SSU72: variants seen among roughly 807,000 people sequenced by gnomAD.
SSU72 encodes the protein RNA polymerase II subunit A C-terminal domain phosphatase SSU72.
Under a neutral mutation model 22.7 loss-of-function variants are expected in SSU72, and 12 were observed. The ratio of observed to expected loss-of-function variants is 0.53; its 90% CI spans 0.34 to 0.86. The LOEUF (loss-of-function observed/expected upper bound fraction) is 0.86. Ranked by LOEUF, SSU72 falls within the 40% of genes least tolerant of loss-of-function variation. The pLI, the probability that SSU72 is intolerant of heterozygous loss-of-function variation, is 0.02. For synonymous variants in SSU72, 116 were observed against 98.3 expected, an observed-to-expected ratio of 1.18 and a Z score of -1.06; for missense variants, 151 against 249.8, an observed-to-expected ratio of 0.60 and a Z score of 2.67.
At chr1:1,545,233 C>T (rs1313764866) in intron 2 of SSU72, 12 of 533,256 alleles carry the variant, frequency 2.3e-5, no homozygotes, top group Non-Finnish European at 3.7e-5. Flanking sequence ...CGCTGTCCCC[C>T]AACTCGGCAA....
At position 1,574,816 on chromosome 1, in the gene SSU72, G is replaced by T. The variant is rs528218908; in HGVS notation, c.-259C>A. The T allele has an allele frequency of 4.4e-6, 1 of 227,112 alleles. No individual in the cohort carries two copies. Among genetic ancestry groups the T allele is most frequent in the East Asian group, 1.7e-4 (1 of 5,800 alleles). The allele number at this position is 227,112 out of a possible 1,614,324, so 14.1% of individuals were successfully genotyped here. A position where few individuals can be genotyped will look rare whatever the true frequency, so the allele number is the denominator to read the frequency against. On this transcript the variant is annotated 5_prime_UTR_variant, in exon 1 of 5. Coordinates refer to ENST00000291386, the MANE Select transcript of SSU72 (RefSeq NM_014188.3). Reference sequence around the variant, plus strand: ...GCGGCCAACGCCGCGCCGGCCCCCGGCGTCCGCAGCAGAGACCCGCACTCC... The same window carrying T: ...GCGGCCAACGCCGCGCCGGCCCCCGTCGTCCGCAGCAGAGACCCGCACTCC...
At chr1:1,569,959 A>G (rs950980727) in intron 1 of SSU72, among the ~76,000 whole-genome samples, 2 of 152,162 alleles carry the variant, frequency 1.3e-5, no homozygotes, top group Non-Finnish European at 2.9e-5. Flanking sequence ...TTCACTTACC[A>G]TAAGCATTTC....
chr1:1,553,411 T>C (rs1230203342), intron 2 of SSU72, among the ~76,000 whole-genome samples: 1 of 152,220 alleles, frequency 6.6e-6, no homozygotes, highest in South Asian at 2.1e-4. Context: ...GGCAGGCAGA[T>C]CACGAGGTTA....
intron 2 of SSU72, among the ~76,000 whole-genome samples, chr1:1,556,595 A>G (rs1049907838): frequency 6.6e-6 from 1 of 152,202 alleles, no homozygotes; most frequent in Non-Finnish European, 1.5e-5. Flanking sequence ...CAAAGCACAG[A>G]GGCTGCACAA....
chr1:1,541,933 C>T lies in SSU72; in HGVS notation c.*133G>A, dbSNP rs921381136. The T allele has an allele frequency of 9.0e-6, 7 of 780,720 alleles. No homozygotes were observed. The African/African-American group carries it at 1.1e-4, about 12-fold the overall frequency. 48.4% of individuals were successfully genotyped at this position (780,720 alleles called of 1,614,324 possible). On this transcript the variant is annotated 3_prime_UTR_variant, in exon 5 of 5. Transcript: ENST00000291386. Reference sequence around the variant, plus strand: ...TCTGGCGTTTTGGCATCTCCTCTCCCATTTCATATGCACAGTTTATTTGGG... The same window carrying T: ...TCTGGCGTTTTGGCATCTCCTCTCCTATTTCATATGCACAGTTTATTTGGG...
chr1:1,567,941 A>C (rs921155321), intron 1 of SSU72, among the ~76,000 whole-genome samples: 5 of 145,918 alleles, frequency 3.4e-5, no homozygotes, highest in Non-Finnish European at 7.4e-5. Flanking sequence ...CGCACAAAGA[A>C]GCCCAGGATC....
chr1:1,574,542 G>A lies in SSU72; in HGVS notation c.16C>T (p.Leu6=), dbSNP rs1432309560. ...CTCGAGCACACCACCGCCACCCGCAGCGGGGACGACGGCATGGCGGCGGCC... is the reference window on the plus strand; with the variant it reads ...CTCGAGCACACCACCGCCACCCGCAACGGGGACGACGGCATGGCGGCGGCC... The part of the protein sequence containing the change: MPSSP[L]RVAVVCSSNQ... The change falls in exon 1 of 5, where the codon CTG becomes TTG. Residue 6 remains leucine (L), a synonymous_variant. Coordinates refer to ENST00000291386, the MANE Select transcript of SSU72 (RefSeq NM_014188.3). The A allele has an allele frequency of 3.1e-6, 5 of 1,590,500 alleles. No individual in the cohort carries two copies. The highest frequency in any genetic ancestry group is 1.7e-5 in the Admixed American group (1 of 58,020).
chr1:1,554,550 G>A lies in SSU72; in HGVS notation c.225-9548C>T, dbSNP rs1436679283. ...CAAGGTTTTCTCTTTTCACTCCCTAGGGGCCTTAGTGGGACCAGAACATCC... is the reference window on the plus strand; with the variant it reads ...CAAGGTTTTCTCTTTTCACTCCCTAAGGGCCTTAGTGGGACCAGAACATCC... On this transcript the variant is annotated intron_variant, in intron 2 of 4. Transcript: ENST00000291386. This position sits in a 1 kb window ranked among gnomAD's most constrained non-coding sequence, Gnocchi z 4.1. 1.3e-5 allele frequency among the ~76,000 whole-genome samples: 2 copies of A among 152,158 alleles called. No homozygotes were observed. The highest frequency in any genetic ancestry group is 4.8e-5 in the African/African-American group (2 of 41,434).
At position 1,574,835 on chromosome 1, in the gene SSU72, G is replaced by T. The variant is rs1421917684; in HGVS notation, c.-278C>A. ...CCCCCGGCGTCCGCAGCAGAGACCC[G>T]CACTCCACAAGGCCCGGCTGAGCGT... On this transcript the variant is annotated 5_prime_UTR_variant, in exon 1 of 5. Transcript: ENST00000291386. 3 of 340,086 alleles carry T rather than the reference G, an allele frequency of 8.8e-6. No individual in the cohort carries two copies. Among genetic ancestry groups the T allele is most frequent in the African/African-American group, 4.5e-5 (2 of 44,826 alleles). 21.1% of individuals were successfully genotyped at this position (340,086 alleles called of 1,614,324 possible). A position where few individuals can be genotyped will look rare whatever the true frequency, so the allele number is the denominator to read the frequency against.
chr1:1,562,325 T>C (rs1642603843), intron 2 of SSU72: 1 of 152,198 alleles, frequency 6.6e-6, no homozygotes, highest in African/African-American at 2.4e-5. Flanking sequence ...AGAGTAATTG[T>C]CAAAAACAGG....
chr1:1,569,661 T>C (rs6603792), intron 1 of SSU72, among the ~76,000 whole-genome samples: 75,846 of 151,914 alleles, frequency 0.5, 22,549 homozygotes, highest in East Asian at 0.86. Flanking sequence ...TGCAACCACA[T>C]GTGGCTAAGT....
chr1:1,564,558 C>T (rs1230048225), intron 2 of SSU72: 2 of 1,575,470 alleles, frequency 1.3e-6, no homozygotes, highest in South Asian at 1.1e-5. Context: ...CACACCGTGT[C>T]TGTGCGCCTC....
chr1:1,571,804 T>TC (rs1642734629), intron 1 of SSU72, among the ~76,000 whole-genome samples: 1 of 151,618 alleles, frequency 6.6e-6, no homozygotes, highest in South Asian at 2.1e-4. Context: ...ATTTTTTTTT[T>TC]TGAGACAGAG....
chr1:1,545,062 G>GGCAGGAGAATGGTGTGAA, intron 2 of SSU72, 60 bp from the exon 3 acceptor site: 3 of 1,572,640 alleles, frequency 1.9e-6, no homozygotes, highest in Non-Finnish European at 2.6e-6. Context: ...GCCTGGAAGC[G>GGCAGGAGAATGGTGTGAA]CCTGTGTCCT....
intron 1 of SSU72, among the ~76,000 whole-genome samples, chr1:1,567,324 A>G (rs1008663136): frequency 6.6e-6 from 1 of 152,150 alleles, no homozygotes; most frequent in African/African-American, 2.4e-5. Context: ...TTACATCCCT[A>G]GATATTCCGA....
intron 1 of SSU72, among the ~76,000 whole-genome samples, chr1:1,566,275 C>CA (rs200937604): frequency 0.016 from 2,427 of 151,704 alleles, 76 homozygotes; most frequent in African/African-American, 0.055. Flanking sequence ...AAAAAAACAA[C>CA]AAAAAAAGTT....
intron 2 of SSU72, among the ~76,000 whole-genome samples, chr1:1,548,093 G>T (rs1307254741): frequency 6.6e-6 from 1 of 152,208 alleles, no homozygotes; most frequent in Non-Finnish European, 1.5e-5. Context: ...AGGCAAAGAG[G>T]ATGTGCCATC....
chr1:1,569,412 G>A (rs955239987), intron 1 of SSU72, among the ~76,000 whole-genome samples: 1 of 152,144 alleles, frequency 6.6e-6, no homozygotes, highest in African/African-American at 2.4e-5. Context: ...CCCAGAGAAC[G>A]CTAACATGTC....
intron 1 of SSU72, among the ~76,000 whole-genome samples, chr1:1,573,054 C>T (rs1303238778): frequency 1.3e-5 from 2 of 151,684 alleles, no homozygotes; most frequent in South Asian, 2.1e-4. Context: ...TTTGGGAGGC[C>T]GAGGCGGGCA....
Sources: allele counts gnomAD v4.1 joint callset (sites outside exome capture counted in the v4.1 genomes callset), GRCh38; gene constraint gnomAD v4.1.1; non-coding constraint Gnocchi (gnomAD v3.1); transcripts MANE v1.5; gene names NCBI Gene and HGNC (gene_info 2026-07-23, HGNC 2026-07-21).